USP24: variants seen among roughly 807,000 people sequenced by gnomAD.
USP24 encodes ubiquitin carboxyl-terminal hydrolase 24.
Under a neutral mutation model 361.6 loss-of-function variants are expected in USP24, and 97 were observed. That is an observed-to-expected ratio of 0.27 (90% CI 0.23 to 0.32). The LOEUF (loss-of-function observed/expected upper bound fraction) is 0.32, where lower values mean the gene tolerates loss of function less well. USP24 is among the 10% of genes least tolerant of loss of function. USP24 has a pLI of 1.00. For synonymous variants in USP24, 1,098 were observed against 1,124.6 expected (o/e 0.98, Z 0.47); for missense variants, 2,353 against 3,165.6 (o/e 0.74, Z 6.16).
intron 1 of USP24, among the ~76,000 whole-genome samples, chr1:55,192,854 C>A (rs556721686): frequency 6.6e-6 from 1 of 152,310 alleles, no homozygotes; most frequent in East Asian, 1.9e-4. Flanking sequence ...TCCTGGAATG[C>A]ATCTTCATTC....
chr1:55,173,370 C>CT (rs764833818), intron 3 of USP24, among the ~76,000 whole-genome samples: 23 of 151,990 alleles, frequency 1.5e-4, no homozygotes, highest in Non-Finnish European at 2.9e-4. Context: ...AACAATGGTA[C>CT]AAATCTTATA....
intron 28 of USP24, among the ~76,000 whole-genome samples, chr1:55,135,770 A>AG (rs530740926): frequency 4.2e-4 from 64 of 151,944 alleles, no homozygotes; most frequent in African/African-American, 1.6e-3. Flanking sequence ...TAATAACCAT[A>AG]GGGGAAAAAA....
chr1:55,091,476 T>C (rs1368156178), intron 54 of USP24, among the ~76,000 whole-genome samples: 2 of 152,178 alleles, frequency 1.3e-5, no homozygotes. Flanking sequence ...ACTCTGGACA[T>C]ACTTCCCTGT....
At chr1:55,084,583 T>C (rs1645212697) in intron 56 of USP24, among the ~76,000 whole-genome samples, 1 of 152,230 alleles carries the variant, frequency 6.6e-6, no homozygotes, top group Admixed American at 6.5e-5. Context: ...CCTCTGAAGA[T>C]GGTATTCATA....
chr1:55,210,907 T>C (rs1644831503), intron 1 of USP24, among the ~76,000 whole-genome samples: 1 of 152,236 alleles, frequency 6.6e-6, no homozygotes, highest in South Asian at 2.1e-4. Context: ...CCTCAGTTAA[T>C]ATGAAATCTC....
chr1:55,154,285 A>G lies in USP24; in HGVS notation c.1651-5T>C, dbSNP rs762759950. ...TTCCCAGAGTACGTCTAAAACCTAC[A>G]ATAATATTACATATGATCAGCCAGC... On this transcript the variant is annotated splice_polypyrimidine_tract_variant and splice_region_variant and intron_variant, in intron 14 of 67. Coordinates refer to ENST00000294383, the MANE Select transcript of USP24 (RefSeq NM_015306.3). 5 of 1,605,668 alleles carry G rather than the reference A, an allele frequency of 3.1e-6. No individual in the cohort carries two copies. In the African/African-American group the frequency reaches 5.3e-5, roughly 17 times the overall value.
intron 1 of USP24, among the ~76,000 whole-genome samples, chr1:55,205,164 G>C (rs933998781): frequency 1.3e-5 from 2 of 151,910 alleles, no homozygotes; most frequent in African/African-American, 2.4e-5. Context: ...CCATCCCTTT[G>C]GCCAAAAAAG....
At chr1:55,173,753 A>G (rs542592619) in intron 3 of USP24, among the ~76,000 whole-genome samples, 2 of 152,332 alleles carry the variant, frequency 1.3e-5, no homozygotes, top group South Asian at 4.1e-4. Context: ...CATAAGACTG[A>G]TTTTATGTAA....
chr1:55,153,994 G>A, intron 15 of USP24, 77 bp from the exon 16 acceptor site: 1 of 1,547,874 alleles, frequency 6.5e-7, no homozygotes, highest in Non-Finnish European at 8.8e-7. Context: ...TGGACTTTAA[G>A]GTAAGAGCTT....
intron 5 of USP24, among the ~76,000 whole-genome samples, chr1:55,169,736 C>T (rs1032235994): frequency 6.6e-6 from 1 of 151,158 alleles, no homozygotes; most frequent in African/African-American, 2.5e-5. Context: ...ATACATACTT[C>T]AAGGAATGGG....
intron 62 of USP24, 30 bp from the exon 63 acceptor site, chr1:55,075,553 A>C: frequency 6.4e-7 from 1 of 1,553,362 alleles, no homozygotes; most frequent in African/African-American, 1.4e-5. Context: ...AAATTAGTAA[A>C]TAAAAGAAGG....
chr1:55,075,036 G>A (rs76583238), intron 63 of USP24, among the ~76,000 whole-genome samples: 3,889 of 152,228 alleles, frequency 0.026, 62 homozygotes, highest in Non-Finnish European at 0.037. Context: ...GTGAAAATAT[G>A]GTTACGCTTA....
intron 1 of USP24, among the ~76,000 whole-genome samples, chr1:55,184,852 T>C (rs1211635177): frequency 6.6e-6 from 1 of 152,164 alleles, no homozygotes; most frequent in Non-Finnish European, 1.5e-5. Flanking sequence ...AATCACAAGA[T>C]AGGTAAGAAC....
chr1:55,121,503 G>C lies in USP24; in HGVS notation c.4280C>G (p.Ser1427Cys). 1 of 1,613,144 alleles carries C rather than the reference G, an allele frequency of 6.2e-7. No homozygotes were observed. Among genetic ancestry groups the C allele is most frequent in the South Asian group, 1.1e-5 (1 of 90,882 alleles). ...AGCAACACAGGGCAAGTTATAGAAA[G>C]ATGCTAATAAGAAGAAATGGGGGAT... is the stretch of plus-strand genomic sequence containing the variant. ...CLQLRSQQLA[S>C]FYNLPCVADF... Residue 1427 changes from serine to cysteine, a missense_variant, in exon 37 of 68, where the codon TCT becomes TGT. Coordinates refer to ENST00000294383, the MANE Select transcript of USP24 (RefSeq NM_015306.3).
intron 3 of USP24, 125 bp downstream of exon 3, chr1:55,176,251 G>T: frequency 1.5e-6 from 1 of 670,960 alleles, no homozygotes; most frequent in Non-Finnish European, 2.4e-6. Flanking sequence ...GGATTCCTCA[G>T]TTAAACAAGA....
At chr1:55,120,466 C>T in intron 38 of USP24, 130 bp downstream of exon 38, 1 of 1,138,708 alleles carries the variant, frequency 8.8e-7, no homozygotes. Flanking sequence ...TCTTTCAGGA[C>T]CCAAATTTCA....
chr1:55,106,171 T>C lies in USP24; in HGVS notation c.4855A>G (p.Ile1619Val), dbSNP rs1645767275. ...NSHSPAGSAA[I>V]SQQDFHPKCS... is the part of the protein sequence containing the mutation. ...TTTGGATGAAAGTCCTGTTGACTGA[T>C]GGCGGCACTGCCAGCTGGAGAATGA... Residue 1619 changes from isoleucine to valine, a missense_variant, in exon 41 of 68, where the codon ATC (isoleucine) becomes GTC (valine). Around this residue, in one of 8 missense-constraint regions of USP24, gnomAD observed 949 missense variants for 1,280.5 expected, o/e 0.74. Transcript: ENST00000294383. 1.2e-6 allele frequency: 2 copies of C among 1,613,856 alleles called. No individual in the cohort carries two copies. The highest frequency in any genetic ancestry group is 1.7e-6 in the Non-Finnish European group (2 of 1,179,750).
intron 1 of USP24, among the ~76,000 whole-genome samples, chr1:55,191,418 T>A (rs1644283361): frequency 6.6e-6 from 1 of 152,150 alleles, no homozygotes; most frequent in South Asian, 2.1e-4. Flanking sequence ...TAGTTATGAT[T>A]ATGACTTCAT....
Position 55,078,590 on chromosome 1 carries a change from T to A in USP24, c.7262A>T (p.Tyr2421Phe). 6.2e-7 allele frequency: 1 copy of A among 1,612,362 alleles called. No homozygotes were observed. The highest frequency in any genetic ancestry group is 2.2e-5 in the East Asian group (1 of 44,824). The change falls in exon 61 of 68, where the codon TAC becomes TTC. Residue 2421 changes from tyrosine (Y) to phenylalanine (F), a missense_variant. Physicochemically the swap from Tyr to Phe is conservative, Grantham distance 22. Around this residue, in one of 8 missense-constraint regions of USP24, gnomAD observed 598 missense variants for 761.9 expected, o/e 0.78. Transcript: ENST00000294383. ...AAAATGCTCATTACAGAAACAGCAG[T>A]ACACTACCATCTCAATGAGTGCCAA... ...SLLALIEMVV[Y>F]CCFCNEHFSF...
Sources: gnomAD v4.1 joint callset for allele counts (sites outside exome capture counted in the v4.1 genomes callset) on GRCh38, gnomAD v4.1.1 for gene constraint, gnomAD v4.1.1 regional missense constraint, MANE v1.5 for transcripts, NCBI Gene and HGNC (gene_info 2026-07-23, HGNC 2026-07-21) for gene names.